TP63: variants seen among roughly 807,000 people sequenced by gnomAD.
TP63 encodes tumor protein p63, also known as tumor protein 63.
Under a neutral mutation model 82.8 loss-of-function variants are expected in TP63, and 17 were observed. That is an observed-to-expected ratio of 0.21 (90% CI 0.14 to 0.31). TP63 has a LOEUF of 0.31. Ranked by LOEUF, TP63 falls within the 10% of genes least tolerant of loss-of-function variation. The pLI is 1.00. For missense variants in TP63, 648 were observed against 895.3 expected (o/e 0.72, Z 3.52); for synonymous variants, 330 against 321.7 (o/e 1.03, Z -0.28).
At chr3:189,822,407 T>C (rs1251922903) in intron 4 of TP63, among the ~76,000 whole-genome samples, 1 of 152,200 alleles carries the variant, frequency 6.6e-6, no homozygotes, top group African/African-American at 2.4e-5. Flanking sequence ...TTAGCCATCC[T>C]GAGGGTTTAA....
intron 10 of TP63, among the ~76,000 whole-genome samples, chr3:189,885,731 C>G (rs939048574): frequency 7.2e-5 from 11 of 152,110 alleles, no homozygotes; most frequent in Admixed American, 5.9e-4. Flanking sequence ...TCCCAGGAGA[C>G]TTTTGGAAAG....
chr3:189,639,511 T>G (rs957003222), intron 1 of TP63, among the ~76,000 whole-genome samples: 2 of 152,268 alleles, frequency 1.3e-5, no homozygotes, highest in African/African-American at 4.8e-5. Context: ...TCATTAAGCT[T>G]AGAAGAATAA....
the TP63 span, among the ~76,000 whole-genome samples, chr3:189,619,199 A>G: frequency 6.6e-6 from 1 of 152,156 alleles, no homozygotes; most frequent in South Asian, 2.1e-4. Context: ...GGAAATTAGC[A>G]CTGTCTGGGA....
At chr3:189,747,684 C>T (rs1371894305) in intron 3 of TP63, among the ~76,000 whole-genome samples, 1 of 151,792 alleles carries the variant, frequency 6.6e-6, no homozygotes, top group Non-Finnish European at 1.5e-5. Context: ...AATGGAAACA[C>T]AAGAACAAAC....
At chr3:189,692,195 A>G (rs1458172813) in intron 1 of TP63, among the ~76,000 whole-genome samples, 5 of 152,178 alleles carry the variant, frequency 3.3e-5, no homozygotes, top group Non-Finnish European at 5.9e-5. Flanking sequence ...CTCTTCTTAA[A>G]AGTTATTTCC....
At chr3:189,831,166 C>T (rs973079613) in intron 4 of TP63, among the ~76,000 whole-genome samples, 1 of 152,174 alleles carries the variant, frequency 6.6e-6, no homozygotes, top group Non-Finnish European at 1.5e-5. Context: ...CAGACTTGCA[C>T]TATCTGTGAC....
chr3:189,712,019 G>A (rs975452951), intron 1 of TP63, among the ~76,000 whole-genome samples: 2 of 152,182 alleles, frequency 1.3e-5, no homozygotes, highest in African/African-American at 4.8e-5. Context: ...GGCAGGACTC[G>A]AGTCAACTTT....
At chr3:189,789,960 A>G in intron 3 of TP63, 1 of 935,730 alleles carries the variant, frequency 1.1e-6, no homozygotes, top group East Asian at 3.2e-5. Context: ...CAAATTGTAT[A>G]TAGGAATCTC....
At position 189,762,693 on chromosome 3, in the gene TP63, C is replaced by T. The variant is rs560943504; in HGVS notation, c.324+23919C>T. 2.6e-5 allele frequency among the ~76,000 whole-genome samples: 4 copies of T among 152,218 alleles called. No individual in the cohort carries two copies. The South Asian group carries it at 6.2e-4, about 24-fold the overall frequency. ...GAAAATCTCTTCCTTGGCAAAAGAA[C>T]TAAAATGTCAAGCTTGTGTACTTAT... On this transcript the variant is annotated intron_variant, in intron 3 of 13. Transcript: ENST00000264731.
intron 1 of TP63, among the ~76,000 whole-genome samples, chr3:189,707,174 A>G (rs1223249191): frequency 1.3e-5 from 2 of 152,236 alleles, no homozygotes; most frequent in Non-Finnish European, 2.9e-5. Context: ...AAAACCATCT[A>G]CTATTTTATC....
chr3:189,762,414 GA>G (rs1402089689), intron 3 of TP63, among the ~76,000 whole-genome samples: 1 of 151,986 alleles, frequency 6.6e-6, no homozygotes, highest in African/African-American at 2.4e-5. Flanking sequence ...GGGCAAGAGA[GA>G]AAAAAGGTCA....
chr3:189,615,095 C>G, the TP63 span, among the ~76,000 whole-genome samples: 1 of 152,238 alleles, frequency 6.6e-6, no homozygotes, highest in African/African-American at 2.4e-5. Context: ...GGTTATACCA[C>G]ATCCTGGGTA....
chr3:189,762,296 T>C (rs2108540778), intron 3 of TP63, among the ~76,000 whole-genome samples: 1 of 152,298 alleles, frequency 6.6e-6, no homozygotes, highest in South Asian at 2.1e-4. Flanking sequence ...CTTCTTTATC[T>C]GTTATTTGGT....
intron 3 of TP63, among the ~76,000 whole-genome samples, chr3:189,802,681 C>A (rs1726440271): frequency 6.6e-6 from 1 of 152,164 alleles, no homozygotes; most frequent in Non-Finnish European, 1.5e-5. Flanking sequence ...GTTCAGAATT[C>A]TTTTGCATCA....
intron 10 of TP63, among the ~76,000 whole-genome samples, chr3:189,875,066 G>T (rs1718882615): frequency 6.7e-6 from 1 of 150,168 alleles, no homozygotes; most frequent in South Asian, 2.1e-4. Context: ...TAAAGTCCTG[G>T]TAGTAAATAT....
At chr3:189,747,111 T>C (rs1229901831) in intron 3 of TP63, among the ~76,000 whole-genome samples, 4 of 152,158 alleles carry the variant, frequency 2.6e-5, no homozygotes, top group Middle Eastern at 3.4e-3. Flanking sequence ...AAGCATATAT[T>C]ATTAGATCTA....
rs1715727386 is a variant in TP63 at position 189,852,231 on chromosome 3, C to T, written c.580-12001C>T. Among the ~76,000 whole-genome samples the T allele has an allele frequency of 2.0e-5, 3 of 152,284 alleles. No homozygotes were observed. In the South Asian group the frequency reaches 6.2e-4, roughly 32 times the overall value. On this transcript the variant is annotated intron_variant, in intron 4 of 13. Transcript: ENST00000264731. The stretch of plus-strand genomic sequence containing the variant: ...CTTTTAGATCTGAGAACTGAGCCCT[C>T]TCCTTCACAACAAAATTGGCCTATT...
chr3:189,775,084 A>G (rs1042243839), intron 3 of TP63, among the ~76,000 whole-genome samples: 4 of 151,924 alleles, frequency 2.6e-5, no homozygotes, highest in Admixed American at 2.0e-4. Flanking sequence ...GCCAGGCGTG[A>G]TGGCAGGCAC....
Position 189,858,751 on chromosome 3 carries a change from C to G in TP63, c.580-5481C>G, listed in dbSNP as rs116664021. 9.3e-3 allele frequency among the ~76,000 whole-genome samples: 1,414 copies of G among 152,134 alleles called. 18 individuals carry two copies. The highest frequency in any genetic ancestry group is 0.033 in the African/African-American group (1,375 of 41,492). On this transcript the variant is annotated intron_variant, in intron 4 of 13. Coordinates refer to ENST00000264731, the MANE Select transcript of TP63 (RefSeq NM_003722.5). ...CCGTGATGGTGCCACTGTACTGCAGCCTGAGTGACAGAGCAAGAACCTGTC... is the reference window on the plus strand; with the variant it reads ...CCGTGATGGTGCCACTGTACTGCAGGCTGAGTGACAGAGCAAGAACCTGTC...
Sources: gnomAD v4.1 joint callset for allele counts (sites outside exome capture counted in the v4.1 genomes callset) on GRCh38, gnomAD v4.1.1 for gene constraint, MANE v1.5 for transcripts, NCBI Gene and HGNC (gene_info 2026-07-23, HGNC 2026-07-21) for gene names.